ZNF420: variants seen among roughly 807,000 people sequenced by gnomAD.
ZNF420 encodes the protein zinc finger protein 420, also known as ATM and p53-associated KZNF protein.
Under a neutral mutation model 44.7 loss-of-function variants are expected in ZNF420, and 31 were observed. The ratio of observed to expected loss-of-function variants is 0.69; its 90% CI spans 0.52 to 0.94. ZNF420 has a LOEUF of 0.94. ZNF420 is among the 40% of genes least tolerant of loss of function. The pLI, the probability that ZNF420 is intolerant of heterozygous loss-of-function variation, is 0.00. For missense variants in ZNF420, 681 were observed against 827.9 expected, an observed-to-expected ratio of 0.82 and a Z score of 2.18; for synonymous variants, 245 against 267.4, an observed-to-expected ratio of 0.92 and a Z score of 0.82.
intron 4 of ZNF420, among the ~76,000 whole-genome samples, chr19:37,094,985 G>A (rs913462179): frequency 5.9e-5 from 9 of 152,018 alleles, no homozygotes; most frequent in Non-Finnish European, 8.8e-5. Context: ...ACAAAAATTC[G>A]GTAGGTGTGG....
intron 1 of ZNF420, among the ~76,000 whole-genome samples, chr19:37,035,590 A>G (rs1221581535): frequency 6.6e-6 from 1 of 152,208 alleles, no homozygotes; most frequent in Non-Finnish European, 1.5e-5. Flanking sequence ...TGAACTTCAT[A>G]TAATAGAAGG....
intron 4 of ZNF420, among the ~76,000 whole-genome samples, chr19:37,104,627 C>A (rs374309001): frequency 6.6e-6 from 1 of 152,178 alleles, no homozygotes. Flanking sequence ...TCCTGTTTCT[C>A]CACATCCTCT....
At chr19:37,100,558 CAAAAAATTGCTGGGT>C (rs1429302957) in intron 4 of ZNF420, among the ~76,000 whole-genome samples, 1 of 151,948 alleles carries the variant, frequency 6.6e-6, no homozygotes, top group African/African-American at 2.4e-5. Flanking sequence ...ACTAAAAATA[CAAAAAATTGCTGGGT>C]GTGGTGGCAG....
Position 37,128,319 on chromosome 19 carries a change from G to C in ZNF420, c.1328G>C (p.Gly443Ala). 1 of 1,614,018 alleles carries C rather than the reference G, an allele frequency of 6.2e-7. No homozygotes were observed. The highest frequency in any genetic ancestry group is 1.3e-5 in the African/African-American group (1 of 75,016). Residue 443 changes from glycine to alanine, a missense_variant, in exon 5 of 5, where the codon GGT (glycine) becomes GCT (alanine). Gly to Ala is a moderately conservative substitution (Grantham distance 60). Transcript: ENST00000337995. ...ACACGACACCAGAGGATTCATACTG[G>C]TGAGAAACCCTATGAATGTAAAGAA... ...LLTRHQRIHTGEKPYECKECG... is the reference protein window; with the variant it reads ...LLTRHQRIHTAEKPYECKECG...
intron 1 of ZNF420, among the ~76,000 whole-genome samples, chr19:37,059,058 A>T (rs1195150449): frequency 6.6e-6 from 1 of 152,168 alleles, no homozygotes; most frequent in Non-Finnish European, 1.5e-5. Context: ...GCCTGAGCCC[A>T]TCCCTGCTCA....
chr19:37,033,572 T>A (rs1264631489), intron 1 of ZNF420, among the ~76,000 whole-genome samples: 1 of 152,220 alleles, frequency 6.6e-6, no homozygotes, highest in African/African-American at 2.4e-5. Context: ...CCACTGTATG[T>A]CTGTACCACA....
At chr19:37,118,627 T>C (rs1278253925) in intron 4 of ZNF420, among the ~76,000 whole-genome samples, 4 of 151,784 alleles carry the variant, frequency 2.6e-5, no homozygotes, top group Non-Finnish European at 2.9e-5. Context: ...CAATATTAAC[T>C]TTAAATGTAA....
In ZNF420 at chr19:37,128,823, G is replaced by T. The variant is rs751063599; in HGVS notation, c.1832G>T (p.Gly611Val). 5 of 1,613,806 alleles carry T rather than the reference G, an allele frequency of 3.1e-6. No homozygotes were observed. Among genetic ancestry groups the T allele is most frequent in the Non-Finnish European group, 4.2e-6 (5 of 1,179,952 alleles). ...QLTLHQRIHT[G>V]EKPYECRECR... is the part of the protein sequence containing the mutation. ...ACTCTACATCAGAGAATCCATACTGGTGAGAAGCCCTATGAATGCAGAGAA... is the reference window on the plus strand; with the variant it reads ...ACTCTACATCAGAGAATCCATACTGTTGAGAAGCCCTATGAATGCAGAGAA... Residue 611 changes from glycine to valine, a missense_variant, in exon 5 of 5, where the codon GGT (glycine) becomes GTT (valine). Around this residue, in one of 3 missense-constraint regions of ZNF420, gnomAD observed 280 missense variants for 338.6 expected, o/e 0.83. Transcript: ENST00000337995.
chr19:37,126,941 C>G (rs945425830), intron 4 of ZNF420, among the ~76,000 whole-genome samples, 187 bp from the exon 5 acceptor site: 1 of 151,970 alleles, frequency 6.6e-6, no homozygotes, highest in Non-Finnish European at 1.5e-5. Flanking sequence ...AGGGAAGATA[C>G]TGTTTTATGA....
At chr19:37,015,770 T>C (rs961899940) in intron 1 of ZNF420, among the ~76,000 whole-genome samples, 1 of 152,168 alleles carries the variant, frequency 6.6e-6, no homozygotes, top group Non-Finnish European at 1.5e-5. Context: ...GAAGAAGACA[T>C]GAATGTGAGG....
intron 1 of ZNF420, among the ~76,000 whole-genome samples, chr19:37,030,222 C>T (rs1467757091): frequency 2.6e-5 from 4 of 152,106 alleles, no homozygotes; most frequent in East Asian, 1.9e-4. Flanking sequence ...AATGCAGTGG[C>T]GTGATCTCTG....
intron 2 of ZNF420, among the ~76,000 whole-genome samples, chr19:37,085,225 A>C (rs1968686865): frequency 1.3e-5 from 2 of 152,196 alleles, no homozygotes; most frequent in Admixed American, 6.5e-5. Flanking sequence ...AAGTATGTTT[A>C]ATTTCCAAAT....
chr19:37,073,030 C>T (rs1968084318), intron 1 of ZNF420, among the ~76,000 whole-genome samples: 1 of 151,934 alleles, frequency 6.6e-6, no homozygotes. Flanking sequence ...GATTGTGATA[C>T]CACTGGTGGT....
intron 1 of ZNF420, among the ~76,000 whole-genome samples, chr19:37,021,920 G>A (rs2074651762): frequency 8.8e-6 from 1 of 113,176 alleles, no homozygotes; most frequent in African/African-American, 3.5e-5. Flanking sequence ...CTGAGCAACA[G>A]AGCGACAGTC....
At chr19:37,032,236 G>A (rs1460756184) in intron 1 of ZNF420, among the ~76,000 whole-genome samples, 1 of 152,038 alleles carries the variant, frequency 6.6e-6, no homozygotes, top group Non-Finnish European at 1.5e-5. Context: ...GCTACTGGGA[G>A]GCTGAGGCAG....
At chr19:37,014,128 C>T (rs1329163568) in intron 1 of ZNF420, among the ~76,000 whole-genome samples, 1 of 152,192 alleles carries the variant, frequency 6.6e-6, no homozygotes, top group East Asian at 1.9e-4. Flanking sequence ...TCACCCCCAC[C>T]CCTCCATTGA....
chr19:37,039,715 T>G (rs78077165), intron 1 of ZNF420, among the ~76,000 whole-genome samples: 1 of 137,714 alleles, frequency 7.3e-6, no homozygotes, highest in African/African-American at 2.7e-5. Flanking sequence ...TTTTTTTTTT[T>G]TGTGAGATAC....
intron 1 of ZNF420, among the ~76,000 whole-genome samples, chr19:37,047,778 G>GT (rs1491273001): frequency 1.1e-4 from 17 of 152,264 alleles, no homozygotes; most frequent in African/African-American, 2.4e-4. Context: ...CTGCAGCAAC[G>GT]TAAGTATTAA....
chr19:37,124,180 A>G lies in ZNF420; in HGVS notation c.137-2948A>G, dbSNP rs540376919. Among the ~76,000 whole-genome samples the G allele has an allele frequency of 2.1e-4, 32 of 152,336 alleles. No individual in the cohort carries two copies. In the Middle Eastern group the frequency reaches 0.014, roughly 65 times the overall value. On this transcript the variant is annotated intron_variant, in intron 4 of 4. Coordinates refer to ENST00000337995, the MANE Select transcript of ZNF420 (RefSeq NM_144689.5). ...TTGCTTTGTCAAGAATGTCATATAA[A>G]TAGAATCAAAATATGGCTTTTCTCA...
Sources: allele counts gnomAD v4.1 joint callset (sites outside exome capture counted in the v4.1 genomes callset), GRCh38; gene constraint gnomAD v4.1.1; regional missense constraint gnomAD v4.1.1; transcripts MANE v1.5; gene names NCBI Gene and HGNC (gene_info 2026-07-23, HGNC 2026-07-21).